The following PYGB variants were observed in gnomAD, a reference collection of about 807,000 sequenced individuals.
The protein encoded by PYGB is glycogen phosphorylase B.
In PYGB, 82 loss-of-function variants were observed where a neutral mutation model predicts 94.3. That is an observed-to-expected ratio of 0.87 (90% confidence interval 0.73 to 1.04). The LOEUF (loss-of-function observed/expected upper bound fraction) is 1.04, where lower values mean the gene tolerates loss of function less well. Among genes scored for constraint, PYGB ranks in the 50% least tolerant of loss-of-function variants. The pLI is 0.00. For synonymous variants in PYGB, 488 were observed against 479.1 expected, an observed-to-expected ratio of 1.02 and a Z score of -0.24; for missense variants, 1,132 against 1,158.2, an observed-to-expected ratio of 0.98 and a Z score of 0.33.
intron 12 of PYGB, 38 bp downstream of exon 12, chr20:25,282,185 T>G: frequency 6.6e-7 from 1 of 1,525,384 alleles, no homozygotes; most frequent in East Asian, 2.3e-5. Context: ...TGGAGATGCC[T>G]GGGCTGAGAA....
intron 1 of PYGB, among the ~76,000 whole-genome samples, chr20:25,257,249 T>C (rs1370291815): frequency 6.6e-6 from 1 of 152,228 alleles, no homozygotes; most frequent in Non-Finnish European, 1.5e-5. Flanking sequence ...GCAAAACACA[T>C]TGCAGTCCCC....
At position 25,293,352 on chromosome 20, in the gene PYGB, CTG is replaced by C. The variant is rs1286697823; in HGVS notation, c.2177+746_2177+747del. ...CCCAGGATCCCATCAGGGCACTCCA[CTG>C]TGTGTGGCCGTCAGGTCTCCCCAGT... On this transcript the variant is annotated intron_variant, in intron 17 of 19. Transcript: ENST00000216962. Among the ~76,000 whole-genome samples the C allele has an allele frequency of 2.6e-5, 4 of 152,318 alleles. No homozygotes were observed. In the East Asian group the frequency reaches 7.7e-4, roughly 29 times the overall value.
chr20:25,256,843 T>C (rs113949969), intron 1 of PYGB, among the ~76,000 whole-genome samples: 2 of 152,180 alleles, frequency 1.3e-5, no homozygotes. Flanking sequence ...AGGCTGTTGC[T>C]TGGACAAAGC....
intron 9 of PYGB, 46 bp downstream of exon 9, chr20:25,279,195 C>T (rs374758775): frequency 3.7e-5 from 59 of 1,580,610 alleles, no homozygotes; most frequent in South Asian, 1.7e-4. Context: ...GCCTGGAGCC[C>T]GTGCAGACCA....
intron 4 of PYGB, 103 bp downstream of exon 4, chr20:25,271,589 G>A (rs1568689339): frequency 8.5e-6 from 11 of 1,293,536 alleles, no homozygotes; most frequent in Admixed American, 3.6e-5. Flanking sequence ...CCCCCGCCAG[G>A]GGACTGCAGG....
intron 2 of PYGB, among the ~76,000 whole-genome samples, chr20:25,267,230 A>G (rs939910555): frequency 6.6e-6 from 1 of 152,202 alleles, no homozygotes; most frequent in African/African-American, 2.4e-5. Flanking sequence ...AGAAGCCATG[A>G]AATATCCAAA....
At chr20:25,290,044 TTCTC>T in intron 15 of PYGB, 1 of 460,868 alleles carries the variant, frequency 2.2e-6, no homozygotes, top group Non-Finnish European at 4.5e-6. Flanking sequence ...GGTGTCTCAG[TTCTC>T]TGTAGGTTTT....
intron 1 of PYGB, among the ~76,000 whole-genome samples, chr20:25,256,507 AAC>A (rs1381897879): frequency 1.4e-5 from 2 of 144,852 alleles, no homozygotes; most frequent in African/African-American, 2.7e-5. Flanking sequence ...AAAAAAAAAA[AAC>A]AAAAACAAAA....
At chr20:25,272,652 A>G (rs980972574) in intron 4 of PYGB, among the ~76,000 whole-genome samples, 18 of 152,230 alleles carry the variant, frequency 1.2e-4, no homozygotes, top group African/African-American at 4.3e-4. Flanking sequence ...AAGTAACCTA[A>G]AACGGACTCG....
chr20:25,254,071 C>CA (rs11350552), intron 1 of PYGB, among the ~76,000 whole-genome samples: 3,524 of 129,602 alleles, frequency 0.027, 50 homozygotes, highest in Non-Finnish European at 0.032. Context: ...GACTCTGTCT[C>CA]AAAAAAAAAA....
intron 14 of PYGB, 145 bp from the exon 15 acceptor site, chr20:25,288,280 A>T (rs756215751): frequency 3.0e-5 from 28 of 937,062 alleles, no homozygotes; most frequent in Non-Finnish European, 4.5e-5. Context: ...GCCCTGTGCC[A>T]CTGTCACCCG....
chr20:25,295,801 GTCATCAGTCGGCTGTGCCTGCCTTTA>G (rs1325816460), intron 19 of PYGB, 131 bp downstream of exon 19: 2 of 1,019,410 alleles, frequency 2.0e-6, no homozygotes, highest in African/African-American at 3.2e-5. Flanking sequence ...ATTCTGATCT[GTCATCAGTCGGCTGTGCCTGCCTTTA>G]GGGAAGCTGT....
At chr20:25,286,631 C>T (rs927323063) in intron 14 of PYGB, among the ~76,000 whole-genome samples, 3 of 152,226 alleles carry the variant, frequency 2.0e-5, no homozygotes, top group Admixed American at 2.0e-4. Context: ...GGCCATGCTT[C>T]CCCAGCCTGT....
At chr20:25,271,566 T>C in intron 4 of PYGB, 80 bp downstream of exon 4, 2 of 1,474,642 alleles carry the variant, frequency 1.4e-6, no homozygotes, top group South Asian at 2.3e-5. Flanking sequence ...TTTGTCTTTT[T>C]ATACTTCCCA....
At position 25,288,382 on chromosome 20, in the gene PYGB, G is replaced by A. The variant is rs199666704; in HGVS notation, c.1769-43G>A. 93 of 1,612,430 alleles carry A rather than the reference G, an allele frequency of 5.8e-5. No individual in the cohort carries two copies. The South Asian group carries it at 5.8e-4, about 10-fold the overall frequency. ...GCTGGGCCCCAGCAGGGGCTCGTCC[G>A]GCTCGCGGTGCCTTGTGTGAGTCTC... On this transcript the variant is annotated intron_variant, in intron 14 of 19. Coordinates refer to ENST00000216962, the MANE Select transcript of PYGB (RefSeq NM_002862.4).
chr20:25,296,276 C>T (rs149988536), intron 19 of PYGB, 94 bp from the exon 20 acceptor site: 32 of 1,486,412 alleles, frequency 2.2e-5, no homozygotes, highest in African/African-American at 1.7e-4. Context: ...GCTCGGAGCT[C>T]ATTTGGAAAC....
intron 1 of PYGB, among the ~76,000 whole-genome samples, chr20:25,251,900 C>T (rs1483929927): frequency 6.6e-6 from 1 of 152,162 alleles, no homozygotes. Flanking sequence ...CAATGAAATA[C>T]GATTAATCTT....
intron 19 of PYGB, among the ~76,000 whole-genome samples, 200 bp downstream of exon 19, chr20:25,295,870 A>G (rs901575487): frequency 6.6e-6 from 1 of 152,214 alleles, no homozygotes; most frequent in African/African-American, 2.4e-5. Context: ...GTTGAAAAAA[A>G]CAGCTCCTAA....
chr20:25,269,996 C>T (rs1600727949), intron 3 of PYGB, among the ~76,000 whole-genome samples: 1 of 152,176 alleles, frequency 6.6e-6, no homozygotes, highest in Admixed American at 6.5e-5. Flanking sequence ...ACCCAGGCAG[C>T]ACTGAGCCCG....
Sources: gnomAD v4.1 joint callset for allele counts (sites outside exome capture counted in the v4.1 genomes callset) on GRCh38, gnomAD v4.1.1 for gene constraint, MANE v1.5 for transcripts, NCBI Gene and HGNC (gene_info 2026-07-23, HGNC 2026-07-21) for gene names.